Variants in ZUP1 observed in about 807,000 individuals in gnomAD.
The protein encoded by ZUP1 is zinc finger-containing ubiquitin peptidase 1.
ZUP1 carries 55 observed loss-of-function variants against 68.1 expected under a neutral mutation model. The ratio of observed to expected loss-of-function variants is 0.81; its 90% CI spans 0.65 to 1.01. The LOEUF is 1.01. ZUP1 is among the 50% of genes least tolerant of loss of function. The pLI, the probability that ZUP1 is intolerant of heterozygous loss-of-function variation, is 0.00. For missense variants in ZUP1, 684 were observed against 674.9 expected, an observed-to-expected ratio of 1.01 and a Z score of -0.15; for synonymous variants, 223 against 221.5, an observed-to-expected ratio of 1.01 and a Z score of -0.06.
At position 116,660,796 on chromosome 6, in the gene ZUP1, T is replaced by C; in HGVS notation, c.610A>G (p.Asn204Asp). Residue 204 changes from asparagine (N) to aspartate (D), a missense_variant, in exon 3 of 10, where the codon AAT (asparagine) becomes GAT (aspartate). Physicochemically the swap from Asn to Asp is conservative, Grantham distance 23 (BLOSUM62 1). Transcript: ENST00000368576. Reference protein sequence around the residue: ...DCPMCGLICTNYHILQEHVDL... With the variant: ...DCPMCGLICTDYHILQEHVDL... ...ACATGTTCCTGAAGAATATGGTAAT[T>C]TGTACATATGAGCCCACACATAGGA... 1.9e-6 allele frequency: 3 copies of C among 1,610,680 alleles called. No individual in the cohort carries two copies. In the East Asian group the frequency reaches 6.7e-5, roughly 36 times the overall value.
intron 9 of ZUP1, among the ~76,000 whole-genome samples, chr6:116,640,079 AG>A (rs1271055892): frequency 1.3e-5 from 2 of 152,254 alleles, no homozygotes; most frequent in Non-Finnish European, 2.9e-5. Context: ...GCTGGAAGAA[AG>A]GGTATCAGCG....
intron 2 of ZUP1, among the ~76,000 whole-genome samples, 174 bp downstream of exon 2, chr6:116,666,458 AAT>A (rs1033188439): frequency 6.6e-6 from 1 of 152,230 alleles, no homozygotes; most frequent in Non-Finnish European, 1.5e-5. Flanking sequence ...TCTGCATTAA[AAT>A]TCTTTTCCAT....
chr6:116,665,021 C>A (rs1014607979), intron 2 of ZUP1, among the ~76,000 whole-genome samples: 6 of 151,228 alleles, frequency 4.0e-5, no homozygotes, highest in African/African-American at 1.2e-4. Context: ...ACATAGAAAA[C>A]AAAAATAAAA....
intron 2 of ZUP1, among the ~76,000 whole-genome samples, chr6:116,664,481 G>C (rs931472050): frequency 6.7e-6 from 1 of 149,302 alleles, no homozygotes; most frequent in East Asian, 2.0e-4. Context: ...TACAAAAGAT[G>C]ACCTGAATTA....
chr6:116,667,300 G>A (rs1007692492), intron 1 of ZUP1, 93 bp from the exon 2 acceptor site: 1 of 745,128 alleles, frequency 1.3e-6, no homozygotes, highest in Non-Finnish European at 2.0e-6. Flanking sequence ...TTTAACGCTG[G>A]ATTATTTTGA....
At chr6:116,644,292 G>T (rs1459630639) in intron 9 of ZUP1, among the ~76,000 whole-genome samples, 1 of 152,072 alleles carries the variant, frequency 6.6e-6, no homozygotes, top group Non-Finnish European at 1.5e-5. Context: ...GATTCCTCAG[G>T]GATCTAGAAC....
intron 4 of ZUP1, 152 bp downstream of exon 4, chr6:116,658,651 T>C: frequency 1.5e-6 from 1 of 655,468 alleles, no homozygotes; most frequent in South Asian, 2.3e-5. Context: ...CCCCTGTGCC[T>C]CACTAGAATG....
intron 5 of ZUP1, among the ~76,000 whole-genome samples, chr6:116,655,450 T>G (rs1354400821): frequency 1.3e-5 from 2 of 152,072 alleles, no homozygotes; most frequent in Non-Finnish European, 2.9e-5. Flanking sequence ...AGTTCCCTTG[T>G]GGGGAGGGCA....
intron 4 of ZUP1, among the ~76,000 whole-genome samples, 198 bp from the exon 5 acceptor site, chr6:116,657,050 C>A (rs1450054225): frequency 1.3e-5 from 2 of 152,036 alleles, no homozygotes; most frequent in African/African-American, 4.8e-5. Context: ...ACTTAATAAG[C>A]AACCACTTCT....
At chr6:116,658,269 C>T (rs537364481) in intron 4 of ZUP1, among the ~76,000 whole-genome samples, 2 of 152,228 alleles carry the variant, frequency 1.3e-5, no homozygotes, top group South Asian at 4.1e-4. Context: ...AAACCACCCA[C>T]CTAAGATAAA....
intron 2 of ZUP1, among the ~76,000 whole-genome samples, chr6:116,663,804 G>A (rs1337272729): frequency 1.3e-5 from 2 of 151,864 alleles, no homozygotes; most frequent in Non-Finnish European, 2.9e-5. Context: ...AAAATTAGCT[G>A]GGCGTGGTGG....
chr6:116,645,588 AAAAAAAAAAAAAAG>A, intron 9 of ZUP1, 112 bp downstream of exon 9: 5 of 668,878 alleles, frequency 7.5e-6, no homozygotes, highest in Non-Finnish European at 1.1e-5. Context: ...GTCTCCAAAA[AAAAAAAAAAAAAAG>A]AAAAAGAATA....
chr6:116,638,863 G>A (rs1419873613), intron 9 of ZUP1, among the ~76,000 whole-genome samples: 1 of 152,164 alleles, frequency 6.6e-6, no homozygotes, highest in African/African-American at 2.4e-5. Flanking sequence ...CGCACCATGC[G>A]CCAGATGAAG....
At position 116,668,701 on chromosome 6, in the gene ZUP1, G is replaced by A. The variant is rs1777085557; in HGVS notation, c.-151C>T. On this transcript the variant is annotated 5_prime_UTR_variant, in exon 1 of 10. Coordinates refer to ENST00000368576, the MANE Select transcript of ZUP1 (RefSeq NM_145062.3). ...TGAGGCCAGGCCTTCCCAATACGCA[G>A]AGTTTCACAGTTAACCGAGGAAAGA... The A allele has an allele frequency of 6.6e-6, 1 of 152,224 alleles. No homozygotes were observed. The highest frequency in any genetic ancestry group is 2.4e-5 in the African/African-American group (1 of 41,432). 9.4% of individuals were successfully genotyped at this position (152,224 alleles called of 1,614,324 possible).
At chr6:116,639,773 CAG>C (rs1339215687) in intron 9 of ZUP1, among the ~76,000 whole-genome samples, 1 of 152,190 alleles carries the variant, frequency 6.6e-6, no homozygotes, top group Non-Finnish European at 1.5e-5. Flanking sequence ...CTCTAAAAAG[CAG>C]AGTGCCTCTC....
At chr6:116,653,074 A>G (rs901924253) in intron 5 of ZUP1, among the ~76,000 whole-genome samples, 1 of 152,102 alleles carries the variant, frequency 6.6e-6, no homozygotes, top group Non-Finnish European at 1.5e-5. Context: ...AATATCCTTT[A>G]AAATGTCATC....
chr6:116,644,314 T>C (rs1776218280), intron 9 of ZUP1, among the ~76,000 whole-genome samples: 2 of 152,140 alleles, frequency 1.3e-5, no homozygotes, highest in South Asian at 2.1e-4. Flanking sequence ...AGAAATACCA[T>C]TTGACCCAGC....
intron 2 of ZUP1, among the ~76,000 whole-genome samples, chr6:116,662,120 T>G (rs1267723092): frequency 1.3e-5 from 2 of 152,100 alleles, no homozygotes; most frequent in African/African-American, 4.8e-5. Context: ...AAATGAAGTA[T>G]TAAGTACTCA....
At chr6:116,656,879 A>C (rs760232041) in intron 4 of ZUP1, 27 bp from the exon 5 acceptor site, 1 of 1,451,478 alleles carries the variant, frequency 6.9e-7, no homozygotes, top group Non-Finnish European at 9.4e-7. Context: ...TAAATGACTT[A>C]ATTTTTACAT....
Sources: allele counts gnomAD v4.1 joint callset (sites outside exome capture counted in the v4.1 genomes callset), GRCh38; gene constraint gnomAD v4.1.1; transcripts MANE v1.5; gene names NCBI Gene and HGNC (gene_info 2026-07-23, HGNC 2026-07-21).